Variants in SEMA3A observed in about 807,000 individuals in gnomAD.
SEMA3A encodes semaphorin-3A.
In SEMA3A, 29 loss-of-function variants were observed where a neutral mutation model predicts 97.9. The observed-to-expected ratio is 0.30, with a 90% confidence interval of 0.22 to 0.40. The LOEUF (loss-of-function observed/expected upper bound fraction) is 0.40, where lower values mean the gene tolerates loss of function less well. SEMA3A is among the 10% of genes least tolerant of loss of function. SEMA3A has a pLI of 1.00. For missense variants in SEMA3A, 763 were observed against 951.3 expected, an observed-to-expected ratio of 0.80 and a Z score of 2.60; for synonymous variants, 321 against 323.7, an observed-to-expected ratio of 0.99 and a Z score of 0.09.
intron 1 of SEMA3A, among the ~76,000 whole-genome samples, chr7:84,163,735 C>T (rs1797116481): frequency 6.6e-6 from 1 of 151,970 alleles, no homozygotes; most frequent in Admixed American, 6.6e-5. Context: ...TATGTAAATT[C>T]ACGATCCGCT....
intron 3 of SEMA3A, among the ~76,000 whole-genome samples, chr7:84,223,638 A>C (rs1798929156): frequency 6.6e-6 from 1 of 151,870 alleles, no homozygotes; most frequent in South Asian, 2.1e-4. Flanking sequence ...GGATTCTAAA[A>C]ACCATAGAAA....
At chr7:84,202,252 G>A (rs1378968983) in intron 3 of SEMA3A, among the ~76,000 whole-genome samples, 2 of 152,102 alleles carry the variant, frequency 1.3e-5, no homozygotes, top group Non-Finnish European at 2.9e-5. Context: ...TGATAACTAT[G>A]GGAGGAAATG....
chr7:84,298,261 A>T (rs1319136394), intron 3 of SEMA3A, among the ~76,000 whole-genome samples: 2 of 152,202 alleles, frequency 1.3e-5, no homozygotes, highest in Admixed American at 6.6e-5. Flanking sequence ...TTATGTAATT[A>T]TTTATTAAGA....
intron 1 of SEMA3A, among the ~76,000 whole-genome samples, chr7:84,482,437 G>A (rs984054017): frequency 6.6e-5 from 10 of 152,042 alleles, no homozygotes; most frequent in East Asian, 3.9e-4. Flanking sequence ...TTTTAGTGGC[G>A]CTTTTAAATT....
intron 1 of SEMA3A, among the ~76,000 whole-genome samples, chr7:84,486,016 G>T (rs992592510): frequency 3.9e-5 from 6 of 152,108 alleles, no homozygotes; most frequent in African/African-American, 1.4e-4. Context: ...ATTAGACTCA[G>T]AAAAATGTTT....
At chr7:84,380,597 T>C (rs1455900595) in intron 1 of SEMA3A, among the ~76,000 whole-genome samples, 4 of 152,122 alleles carry the variant, frequency 2.6e-5, no homozygotes, top group Non-Finnish European at 2.9e-5. Context: ...TAGGTTTCTA[T>C]TGATGTGAAG....
chr7:84,175,727 C>G (rs956406356), intron 1 of SEMA3A, among the ~76,000 whole-genome samples: 50 of 104,062 alleles, frequency 4.8e-4, no homozygotes, highest in African/African-American at 1.6e-3. Context: ...TGGAAACCTA[C>G]AGCAACCTTT....
chr7:84,460,778 C>T (rs1214400204), intron 1 of SEMA3A, among the ~76,000 whole-genome samples: 1 of 152,114 alleles, frequency 6.6e-6, no homozygotes, highest in East Asian at 1.9e-4. Context: ...TGTCTCTATT[C>T]AAAAACAAGG....
rs746850893 is a variant in SEMA3A, at chr7:84,005,325, A to G, written c.1360+14T>C. On this transcript the variant is annotated intron_variant, in intron 11 of 16. Coordinates refer to ENST00000265362, the MANE Select transcript of SEMA3A (RefSeq NM_006080.3). Reference sequence around the variant, plus strand: ...GTTCGGAAAAAAGTTTACAGCTGAAATTTAAAAATTTACCTGTTCCGATAA... The same window carrying G: ...GTTCGGAAAAAAGTTTACAGCTGAAGTTTAAAAATTTACCTGTTCCGATAA... The G allele has an allele frequency of 1.3e-6, 2 of 1,595,208 alleles. No homozygotes were observed. The highest frequency in any genetic ancestry group is 1.7e-6 in the Non-Finnish European group (2 of 1,163,098).
At chr7:84,215,345 C>T (rs1798724255) in intron 3 of SEMA3A, among the ~76,000 whole-genome samples, 1 of 151,286 alleles carries the variant, frequency 6.6e-6, no homozygotes, top group African/African-American at 2.4e-5. Context: ...GCTACCACAC[C>T]CAGCTAATTT....
At chr7:84,223,475 T>G (rs893807983) in intron 3 of SEMA3A, among the ~76,000 whole-genome samples, 3 of 151,904 alleles carry the variant, frequency 2.0e-5, no homozygotes, top group African/African-American at 7.2e-5. Context: ...TTTAATATCA[T>G]GATTCTTTAA....
chr7:84,119,111 T>C (rs12707619), intron 3 of SEMA3A, among the ~76,000 whole-genome samples: 122,179 of 152,026 alleles, frequency 0.8, 49,148 homozygotes, highest in East Asian at 0.93. Flanking sequence ...TTTAAGTGCA[T>C]ATTAAATTCT....
At chr7:84,401,901 T>C (rs573090991) in intron 1 of SEMA3A, among the ~76,000 whole-genome samples, 54 of 152,190 alleles carry the variant, frequency 3.5e-4, no homozygotes, top group African/African-American at 1.2e-3. Context: ...TATGAAACTA[T>C]TAGAAGAAAA....
At chr7:84,256,305 A>T (rs1009816908) in intron 3 of SEMA3A, among the ~76,000 whole-genome samples, 1 of 152,064 alleles carries the variant, frequency 6.6e-6, no homozygotes, top group Non-Finnish European at 1.5e-5. Flanking sequence ...ATCATTATTT[A>T]AAAGTAATGA....
At chr7:84,432,391 T>C (rs1017834066) in intron 1 of SEMA3A, among the ~76,000 whole-genome samples, 1 of 152,180 alleles carries the variant, frequency 6.6e-6, no homozygotes, top group African/African-American at 2.4e-5. Context: ...ATTTTTATTA[T>C]TTCAACATTT....
intron 2 of SEMA3A, among the ~76,000 whole-genome samples, chr7:84,359,747 A>G (rs1019531276): frequency 1.3e-5 from 2 of 152,154 alleles, no homozygotes; most frequent in Non-Finnish European, 2.9e-5. Context: ...GGTAGAATTC[A>G]TCTGTGAATC....
chr7:84,011,360 A>G, intron 7 of SEMA3A, 63 bp from the exon 8 acceptor site: 2 of 1,032,362 alleles, frequency 1.9e-6, no homozygotes, highest in Non-Finnish European at 1.5e-6. Context: ...AAACATTTCT[A>G]TTTTCTTCAT....
At chr7:83,987,363 G>A (rs751205084) in intron 12 of SEMA3A, among the ~76,000 whole-genome samples, 28 of 152,158 alleles carry the variant, frequency 1.8e-4, no homozygotes, top group Non-Finnish European at 3.7e-4. Flanking sequence ...TTTGTACCAA[G>A]AAAAGTACTT....
At chr7:84,420,308 G>T (rs1804553628) in intron 1 of SEMA3A, among the ~76,000 whole-genome samples, 1 of 151,594 alleles carries the variant, frequency 6.6e-6, no homozygotes, top group Non-Finnish European at 1.5e-5. Context: ...TACACACCAA[G>T]AACTGAGGGA....
Sources: gnomAD v4.1 joint callset for allele counts (sites outside exome capture counted in the v4.1 genomes callset) on GRCh38, gnomAD v4.1.1 for gene constraint, MANE v1.5 for transcripts, NCBI Gene and HGNC (gene_info 2026-07-23, HGNC 2026-07-21) for gene names.